The following KCNT2 variants were observed in gnomAD, a reference collection of about 807,000 sequenced individuals.
KCNT2 encodes potassium channel subfamily T member 2.
In KCNT2, 67 loss-of-function variants were observed where a neutral mutation model predicts 153.8. That is an observed-to-expected ratio of 0.44 (90% CI 0.36 to 0.53). KCNT2 has a LOEUF of 0.53. Ranked by LOEUF, KCNT2 falls within the 20% of genes least tolerant of loss-of-function variation. KCNT2 has a pLI of 0.00. For synonymous variants in KCNT2, 500 were observed against 458.8 expected, an observed-to-expected ratio of 1.09 and a Z score of -1.15; for missense variants, 975 against 1,354.8, an observed-to-expected ratio of 0.72 and a Z score of 4.40.
chr1:196,563,140 G>A (rs1190288276), intron 1 of KCNT2, among the ~76,000 whole-genome samples: 1 of 151,968 alleles, frequency 6.6e-6, no homozygotes, highest in African/African-American at 2.4e-5. Flanking sequence ...CTAATCACTA[G>A]CCTTGCCAGT....
chr1:196,307,502 C>T (rs1661745908), intron 21 of KCNT2, among the ~76,000 whole-genome samples: 2 of 152,020 alleles, frequency 1.3e-5, no homozygotes, highest in Admixed American at 1.3e-4. Flanking sequence ...TTTATTCATG[C>T]CTTAGCTCTC....
intron 20 of KCNT2, among the ~76,000 whole-genome samples, chr1:196,319,143 C>T (rs950205798): frequency 4.6e-5 from 7 of 151,782 alleles, no homozygotes; most frequent in South Asian, 2.1e-4. Context: ...GTTATCGTAA[C>T]GCTATCAATG....
chr1:196,595,884 G>T (rs1358026616), intron 1 of KCNT2, among the ~76,000 whole-genome samples: 1 of 151,612 alleles, frequency 6.6e-6, no homozygotes, highest in African/African-American at 2.4e-5. Flanking sequence ...TATATCACTC[G>T]TAGGCCTTTG....
At chr1:196,402,394 A>G (rs1159134011) in intron 12 of KCNT2, among the ~76,000 whole-genome samples, 1 of 151,592 alleles carries the variant, frequency 6.6e-6, no homozygotes, top group Non-Finnish European at 1.5e-5. Flanking sequence ...CAACAATAAC[A>G]TAAGAGACAG....
At chr1:196,456,392 T>C (rs1676677196) in intron 8 of KCNT2, among the ~76,000 whole-genome samples, 1 of 152,030 alleles carries the variant, frequency 6.6e-6, no homozygotes, top group Non-Finnish European at 1.5e-5. Flanking sequence ...ACGTTATGTA[T>C]AGTATAAAAA....
At chr1:196,582,735 A>G (rs1572893165) in intron 1 of KCNT2, among the ~76,000 whole-genome samples, 2 of 152,068 alleles carry the variant, frequency 1.3e-5, no homozygotes, top group Admixed American at 6.6e-5. Context: ...ATTCATTTAC[A>G]TTTCAGTGAT....
chr1:196,435,891 T>C (rs966990234), intron 8 of KCNT2, among the ~76,000 whole-genome samples: 3 of 151,636 alleles, frequency 2.0e-5, no homozygotes, highest in African/African-American at 4.8e-5. Context: ...CCTCAAAGAG[T>C]TGAAATTGTT....
chr1:196,481,862 T>C (rs1679046859), intron 4 of KCNT2, among the ~76,000 whole-genome samples: 1 of 152,182 alleles, frequency 6.6e-6, no homozygotes, highest in South Asian at 2.1e-4. Context: ...GATTAATTGC[T>C]TAGGAACTAA....
chr1:196,520,377 T>G (rs1653201949), intron 1 of KCNT2, among the ~76,000 whole-genome samples: 1 of 151,868 alleles, frequency 6.6e-6, no homozygotes, highest in Admixed American at 6.6e-5. Flanking sequence ...CTAGAAGCAT[T>G]ATACTTGAAA....
intron 8 of KCNT2, among the ~76,000 whole-genome samples, chr1:196,458,001 A>G (rs1050030318): frequency 6.6e-6 from 1 of 151,958 alleles, no homozygotes; most frequent in Admixed American, 6.6e-5. Flanking sequence ...CCCAGTGCAG[A>G]TAACGCACGA....
chr1:196,290,636 CTTA>C (rs1328238086), intron 22 of KCNT2, among the ~76,000 whole-genome samples: 1 of 151,678 alleles, frequency 6.6e-6, no homozygotes, highest in Non-Finnish European at 1.5e-5. Context: ...TATATCACCA[CTTA>C]TTTTTTTACT....
At chr1:196,461,126 T>C (rs1431527518) in intron 8 of KCNT2, among the ~76,000 whole-genome samples, 6 of 151,780 alleles carry the variant, frequency 4.0e-5, no homozygotes, top group Admixed American at 1.3e-4. Context: ...AGTACTTATC[T>C]TCTCACTGTC....
intron 1 of KCNT2, among the ~76,000 whole-genome samples, chr1:196,528,106 C>T (rs947574639): frequency 3.3e-5 from 5 of 152,202 alleles, no homozygotes; most frequent in South Asian, 2.1e-4. Context: ...TAAAACCTTA[C>T]GTTTTTTCTG....
chr1:196,538,614 G>C (rs571344477), intron 1 of KCNT2, among the ~76,000 whole-genome samples: 1 of 152,120 alleles, frequency 6.6e-6, no homozygotes, highest in Non-Finnish European at 1.5e-5. Context: ...TGCGCCTAAC[G>C]TGGTGTGGTT....
At position 196,438,990 on chromosome 1, in the gene KCNT2, T is replaced by G. The variant is rs1039132941; in HGVS notation, c.639-9233A>C. On this transcript the variant is annotated intron_variant, in intron 8 of 27. Coordinates refer to ENST00000294725, the MANE Select transcript of KCNT2 (RefSeq NM_198503.5). ...ACTTAAGGATTTTATATTTTGTGAA[T>G]GTTAAGTATACCTATTTTTTTAAAG... Among the ~76,000 whole-genome samples the G allele has an allele frequency of 8.6e-5, 13 of 152,014 alleles. 1 individual carries two copies. The highest frequency in any genetic ancestry group is 3.1e-4 in the African/African-American group (13 of 41,516).
intron 1 of KCNT2, among the ~76,000 whole-genome samples, chr1:196,585,574 T>C (rs1280930660): frequency 6.6e-6 from 1 of 150,808 alleles, no homozygotes; most frequent in Non-Finnish European, 1.5e-5. Flanking sequence ...GAGCTATTTA[T>C]TACAGCCAAG....
intron 10 of KCNT2, among the ~76,000 whole-genome samples, chr1:196,426,282 C>T (rs950459535): frequency 6.6e-6 from 1 of 151,940 alleles, no homozygotes; most frequent in Admixed American, 6.6e-5. Flanking sequence ...ACACTTTCAG[C>T]TTGTGAAGGT....
At chr1:196,271,577 T>A (rs764149447) in intron 25 of KCNT2, among the ~76,000 whole-genome samples, 11 of 151,998 alleles carry the variant, frequency 7.2e-5, no homozygotes, top group Non-Finnish European at 1.2e-4. Context: ...AATGCTTTCC[T>A]GGGTTTGAGA....
chr1:196,512,730 C>T (rs1226572994), intron 1 of KCNT2, among the ~76,000 whole-genome samples: 1 of 152,050 alleles, frequency 6.6e-6, no homozygotes, highest in Admixed American at 6.6e-5. Context: ...AACCAAGATG[C>T]AGTGAAACAA....
Sources: allele counts gnomAD v4.1 joint callset (sites outside exome capture counted in the v4.1 genomes callset), GRCh38; gene constraint gnomAD v4.1.1; transcripts MANE v1.5; gene names NCBI Gene and HGNC (gene_info 2026-07-23, HGNC 2026-07-21).